The following MRTFA variants were observed in gnomAD, a reference collection of about 807,000 sequenced individuals.
MRTFA encodes myocardin related transcription factor A.
Under a neutral mutation model 83.5 loss-of-function variants are expected in MRTFA, and 20 were observed. That is an observed-to-expected ratio of 0.24 (90% CI 0.17 to 0.35). MRTFA has a LOEUF of 0.35. Among genes scored for constraint, MRTFA ranks in the 10% least tolerant of loss-of-function variants. The pLI is 1.00. For missense variants in MRTFA, 1,200 were observed against 1,224.7 expected, an observed-to-expected ratio of 0.98 and a Z score of 0.30; for synonymous variants, 659 against 541.2, an observed-to-expected ratio of 1.22 and a Z score of -3.02.
At chr22:40,497,871 C>G (rs1802748624) in intron 3 of MRTFA, among the ~76,000 whole-genome samples, 1 of 152,102 alleles carries the variant, frequency 6.6e-6, no homozygotes, top group South Asian at 2.1e-4. Flanking sequence ...CAGTAGCTCA[C>G]ACCTGTAATC....
At chr22:40,481,864 T>C (rs1245217255) in intron 3 of MRTFA, among the ~76,000 whole-genome samples, 2 of 151,882 alleles carry the variant, frequency 1.3e-5, no homozygotes, top group Non-Finnish European at 2.9e-5. Context: ...ATCGAGACCA[T>C]CCTGGCTAAC....
chr22:40,521,975 T>G (rs1237446611), intron 3 of MRTFA: 1 of 152,356 alleles, frequency 6.6e-6, no homozygotes, highest in Non-Finnish European at 1.5e-5. Context: ...CTCAGCCTCC[T>G]GCGTAGCTGG....
In MRTFA at chr22:40,574,408, A is replaced by G. The variant is rs145440519; in HGVS notation, c.-22+20266T>C. Among the ~76,000 whole-genome samples, 444 of 152,072 alleles carry G rather than the reference A, an allele frequency of 2.9e-3. 4 individuals carry two copies. The highest frequency in any genetic ancestry group is 0.01 in the African/African-American group (423 of 41,480). On this transcript the variant is annotated intron_variant, in intron 2 of 14. Transcript: ENST00000355630. Reference sequence around the variant, plus strand: ...CCAAACAATACAGTATAACAACTACAGCATTACACTGCATTAGTTATTATT... The same window carrying G: ...CCAAACAATACAGTATAACAACTACGGCATTACACTGCATTAGTTATTATT...
chr22:40,560,234 A>G (rs2055593211), intron 2 of MRTFA, among the ~76,000 whole-genome samples: 1 of 152,212 alleles, frequency 6.6e-6, no homozygotes, highest in Admixed American at 6.5e-5. Context: ...TTATCTCTAC[A>G]TTTGTATATG....
intron 3 of MRTFA, among the ~76,000 whole-genome samples, chr22:40,524,013 A>T (rs891044379): frequency 6.6e-6 from 1 of 152,256 alleles, no homozygotes; most frequent in African/African-American, 2.4e-5. Flanking sequence ...AAGATACAGC[A>T]TCATGAATTG....
chr22:40,620,170 T>C (rs1015408417), intron 1 of MRTFA, among the ~76,000 whole-genome samples: 17 of 150,320 alleles, frequency 1.1e-4, no homozygotes, highest in Admixed American at 7.3e-4. Flanking sequence ...TTGTTGTCCA[T>C]GCTGGAGTGC....
chr22:40,530,066 CT>C lies in MRTFA; in HGVS notation c.241+22039del, dbSNP rs1367462748. Reference sequence around the variant, plus strand: ...GACCAAAGCATACCTAAGGAACTGTCTCAACTGTTTTCTCTACAAGTGAATT... The same window carrying C: ...GACCAAAGCATACCTAAGGAACTGTCCAACTGTTTTCTCTACAAGTGAATT... On this transcript the variant is annotated intron_variant, in intron 3 of 14. Transcript: ENST00000355630. Among the ~76,000 whole-genome samples the C allele has an allele frequency of 6.6e-5, 10 of 152,304 alleles. No homozygotes were observed. The South Asian group carries it at 2.1e-3, about 32-fold the overall frequency.
chr22:40,431,335 G>A, intron 6 of MRTFA, 70 bp downstream of exon 6: 4 of 1,395,066 alleles, frequency 2.9e-6, no homozygotes, highest in South Asian at 2.3e-5. Flanking sequence ...GGAAGGAAAT[G>A]GGTAGTGCAG....
At chr22:40,542,707 T>G (rs2055310093) in intron 3 of MRTFA, among the ~76,000 whole-genome samples, 1 of 152,154 alleles carries the variant, frequency 6.6e-6, no homozygotes, top group Non-Finnish European at 1.5e-5. Context: ...ATTGTCCAAC[T>G]AAGGAGAAAG....
intron 4 of MRTFA, among the ~76,000 whole-genome samples, chr22:40,439,194 T>C (rs1411509053): frequency 6.6e-6 from 1 of 152,166 alleles, no homozygotes; most frequent in Admixed American, 6.6e-5. Context: ...GTTGATTTCT[T>C]AACTTCTTCA....
At chr22:40,627,239 C>T (rs953987469) in intron 1 of MRTFA, among the ~76,000 whole-genome samples, 4 of 152,146 alleles carry the variant, frequency 2.6e-5, no homozygotes, top group Admixed American at 2.0e-4. Flanking sequence ...CTCGATCTCC[C>T]GGGCTCATGC....
At chr22:40,438,781 AAC>A (rs1491036223) in intron 4 of MRTFA, among the ~76,000 whole-genome samples, 3 of 152,204 alleles carry the variant, frequency 2.0e-5, no homozygotes, top group African/African-American at 4.8e-5. Context: ...AGAAAAAAAA[AAC>A]ACAGTACGTA....
intron 1 of MRTFA, among the ~76,000 whole-genome samples, chr22:40,627,819 A>C (rs1430437435): frequency 6.6e-6 from 1 of 152,154 alleles, no homozygotes; most frequent in Admixed American, 6.6e-5. Context: ...CCTGCACAAA[A>C]AAATTTAGCC....
At chr22:40,474,689 G>A (rs2053964035) in intron 3 of MRTFA, among the ~76,000 whole-genome samples, 1 of 152,172 alleles carries the variant, frequency 6.6e-6, no homozygotes, top group Non-Finnish European at 1.5e-5. Flanking sequence ...AGTGACTGAA[G>A]GCCCCACCTT....
chr22:40,491,484 T>C (rs919954199), intron 3 of MRTFA, among the ~76,000 whole-genome samples: 2 of 152,366 alleles, frequency 1.3e-5, no homozygotes, highest in African/African-American at 4.8e-5. Flanking sequence ...AGTGTTATTT[T>C]ATTTTAAATT....
intron 3 of MRTFA, among the ~76,000 whole-genome samples, chr22:40,539,179 A>T (rs1447645823): frequency 6.7e-6 from 1 of 149,456 alleles, no homozygotes; most frequent in Non-Finnish European, 1.5e-5. Flanking sequence ...ATATATTTTT[A>T]GTTGAGATGG....
rs531019074 is a variant in MRTFA at position 40,488,817 on chromosome 22, G to C, written c.242-25531C>G. Among the ~76,000 whole-genome samples, 51 of 152,214 alleles carry C rather than the reference G, an allele frequency of 3.4e-4. No homozygotes were observed. In the South Asian group the frequency reaches 0.01, roughly 30 times the overall value. ...CACTGCACTCCAGCCTGGGCAACAA[G>C]AGCAAAACTCCGTCTCAAAAAAAGT... On this transcript the variant is annotated intron_variant, in intron 3 of 14. Transcript: ENST00000355630.
intron 3 of MRTFA, among the ~76,000 whole-genome samples, chr22:40,470,524 T>C (rs2053891655): frequency 6.6e-6 from 1 of 151,618 alleles, no homozygotes; most frequent in Non-Finnish European, 1.5e-5. Flanking sequence ...ATACATGCGG[T>C]AAGCCTTTAC....
chr22:40,561,360 G>A (rs2055614747), intron 2 of MRTFA, among the ~76,000 whole-genome samples: 1 of 151,960 alleles, frequency 6.6e-6, no homozygotes, highest in Admixed American at 6.6e-5. Context: ...GCATGGTGAT[G>A]CATGCCTGTA....
Sources: allele counts gnomAD v4.1 joint callset (sites outside exome capture counted in the v4.1 genomes callset), GRCh38; gene constraint gnomAD v4.1.1; transcripts MANE v1.5; gene names NCBI Gene and HGNC (gene_info 2026-07-23, HGNC 2026-07-21).